IMPA2: variants seen among roughly 807,000 people sequenced by gnomAD.
IMPA2 encodes inositol monophosphatase 2.
Under a neutral mutation model 35.1 loss-of-function variants are expected in IMPA2, and 32 were observed. The observed-to-expected ratio is 0.91, with a 90% CI of 0.69 to 1.23. The LOEUF is 1.23. IMPA2 is among the 50% of genes most tolerant of loss of function. The probability of loss-of-function intolerance (pLI) is 0.00; values close to 1 mark genes in which losing one functional copy is unlikely to be tolerated. For missense variants in IMPA2, 334 were observed against 387.6 expected, an observed-to-expected ratio of 0.86 and a Z score of 1.16; for synonymous variants, 135 against 160.6, an observed-to-expected ratio of 0.84 and a Z score of 1.20.
Position 12,002,958 on chromosome 18 carries a change from C to T in IMPA2, c.230+3771C>T, listed in dbSNP as rs540711580. ...CTGTAATCCCTGCACTTTGGGAGGC[C>T]GAGGCGGGTGGATCACCTGAGGTCA... On this transcript the variant is annotated intron_variant, in intron 2 of 7. Transcript: ENST00000269159. Among the ~76,000 whole-genome samples the T allele has an allele frequency of 4.0e-5, 6 of 151,856 alleles. 1 individual carries two copies. The highest frequency in any genetic ancestry group is 2.1e-4 in the South Asian group (1 of 4,804).
intron 5 of IMPA2, among the ~76,000 whole-genome samples, chr18:12,015,692 G>A (rs1415355572): frequency 3.3e-5 from 5 of 152,340 alleles, no homozygotes; most frequent in East Asian, 1.9e-4. Flanking sequence ...AATGGCCTCT[G>A]GCCCTGCCTC....
rs1359345258 is a variant in IMPA2 at position 12,014,323 on chromosome 18, G to T, written c.440G>T (p.Gly147Val). The change falls in exon 5 of 8, where the codon GGT (glycine) becomes GTT (valine). Residue 147 changes from glycine to valine, a missense_variant. By Grantham distance (109) the Gly-to-Val change is moderately radical. Coordinates refer to ENST00000269159, the MANE Select transcript of IMPA2 (RefSeq NM_014214.3). ...TEERLYTGRRGRGAFCNGQRL... is the reference protein window; with the variant it reads ...TEERLYTGRRVRGAFCNGQRL... ...GAGCGGCTGTACACGGGCCGGCGGG[G>T]TCGGGGCGCCTTCTGCAATGGCCAG... The T allele has an allele frequency of 8.7e-6, 14 of 1,610,104 alleles. No homozygotes were observed. The South Asian group carries it at 1.5e-4, about 18-fold the overall frequency.
At chr18:12,030,303 C>T in intron 7 of IMPA2, 40 bp from the exon 8 acceptor site, 1 of 1,497,454 alleles carries the variant, frequency 6.7e-7, no homozygotes, top group South Asian at 1.1e-5. Context: ...TCAGCCCTCT[C>T]TGGTAACCCG....
chr18:12,008,287 C>T (rs759710006), intron 2 of IMPA2: 34 of 507,834 alleles, frequency 6.7e-5, no homozygotes, highest in African/African-American at 3.1e-4. Context: ...TGAGCCACCG[C>T]GCCTTGCTTG....
rs1397227880 is a variant in IMPA2, at chr18:11,981,639, G to C, written c.-31G>C. The C allele has an allele frequency of 1.6e-6, 2 of 1,221,306 alleles. No individual in the cohort carries two copies. 75.7% of individuals were successfully genotyped at this position (1,221,306 alleles called of 1,614,324 possible). A position where few individuals can be genotyped will look rare whatever the true frequency, so the allele number is the denominator to read the frequency against. ...GGGAGCCGGAGTCCCGCCGAGGGGG[G>C]CTGGAGGTGGAGGGGCCCGGCGAGG... On this transcript the variant is annotated 5_prime_UTR_variant, in exon 1 of 8. Coordinates refer to ENST00000269159, the MANE Select transcript of IMPA2 (RefSeq NM_014214.3).
intron 2 of IMPA2, among the ~76,000 whole-genome samples, chr18:12,005,072 C>A (rs572439766): frequency 1.3e-5 from 2 of 152,346 alleles, no homozygotes; most frequent in African/African-American, 4.8e-5. Context: ...AAAGACCGAG[C>A]ACGGTTCACG....
intron 5 of IMPA2, among the ~76,000 whole-genome samples, chr18:12,016,160 A>C (rs187878678): frequency 1.1e-4 from 17 of 152,260 alleles, no homozygotes; most frequent in Admixed American, 1.0e-3. Context: ...GGCTTCTCTC[A>C]TTTGTCTGGT....
At chr18:11,993,399 T>A (rs547912171) in intron 1 of IMPA2, among the ~76,000 whole-genome samples, 4 of 152,338 alleles carry the variant, frequency 2.6e-5, no homozygotes, top group Non-Finnish European at 5.9e-5. Context: ...TTAGTGTCAT[T>A]GTCTGTTGGT....
At position 12,026,517 on chromosome 18, in the gene IMPA2, T is replaced by C. The variant is rs115950284; in HGVS notation, c.491-1526T>C. On this transcript the variant is annotated intron_variant, in intron 5 of 7. Transcript: ENST00000269159. ...AAACAAAGACTCCAATCCTACCTTC[T>C]TGAGCGCTGGCATTTGAGGGAAAGC... 1.6e-3 allele frequency among the ~76,000 whole-genome samples: 241 copies of C among 152,368 alleles called. 3 individuals are homozygous for C. Among genetic ancestry groups the C allele is most frequent in the African/African-American group, 5.3e-3 (221 of 41,584 alleles).
chr18:11,983,762 A>G (rs1324767719), intron 1 of IMPA2, among the ~76,000 whole-genome samples: 7 of 151,950 alleles, frequency 4.6e-5, no homozygotes, highest in Non-Finnish European at 1.0e-4. Context: ...TGCTGAGGGA[A>G]TGGCCTGAAG....
chr18:11,996,937 C>T (rs2143787587), intron 1 of IMPA2, among the ~76,000 whole-genome samples: 1 of 151,604 alleles, frequency 6.6e-6, no homozygotes, highest in South Asian at 2.1e-4. Context: ...CCACACCACA[C>T]CGATACACAC....
At chr18:12,020,675 CTT>C (rs10550164) in intron 5 of IMPA2, among the ~76,000 whole-genome samples, 16,857 of 151,980 alleles carry the variant, frequency 0.11, 1,388 homozygotes, top group African/African-American at 0.21. Context: ...AAAGTTTCCT[CTT>C]TTTCACCCTC....
At chr18:12,004,193 A>G (rs903840661) in intron 2 of IMPA2, among the ~76,000 whole-genome samples, 19 of 152,248 alleles carry the variant, frequency 1.2e-4, no homozygotes, top group African/African-American at 4.6e-4. Context: ...GGGACAGAGT[A>G]TCATAAATCA....
At chr18:12,020,303 C>T (rs1205246228) in intron 5 of IMPA2, among the ~76,000 whole-genome samples, 1 of 152,128 alleles carries the variant, frequency 6.6e-6, no homozygotes, top group African/African-American at 2.4e-5. Flanking sequence ...AAGTGATTCT[C>T]CTGCTTCAGC....
intron 1 of IMPA2, among the ~76,000 whole-genome samples, chr18:11,998,067 T>C (rs1048490698): frequency 6.6e-6 from 1 of 152,090 alleles, no homozygotes; most frequent in African/African-American, 2.4e-5. Flanking sequence ...TTGGGGAGGC[T>C]GAGGTGGGAG....
At chr18:11,984,575 G>C (rs61383190) in intron 1 of IMPA2, among the ~76,000 whole-genome samples, 33,362 of 152,014 alleles carry the variant, frequency 0.22, 4,070 homozygotes, top group African/African-American at 0.32. Flanking sequence ...TGTGGTGGCT[G>C]AAGCCTGTAA....
intron 1 of IMPA2, among the ~76,000 whole-genome samples, chr18:11,996,754 A>G (rs1906968942): frequency 6.6e-6 from 1 of 152,074 alleles, no homozygotes; most frequent in Non-Finnish European, 1.5e-5. Context: ...ATGATCCCAG[A>G]GGCTCTGCTG....
In IMPA2 at chr18:12,028,799, G is replaced by A. The variant is rs772953663; in HGVS notation, c.600-43G>A. On this transcript the variant is annotated intron_variant, in intron 6 of 7. Transcript: ENST00000269159. ...AGTCGGCTTGCACACCACAGAAAAG[G>A]CTCCACTCCCGCCTGCATCTGTCCT... 283 of 1,596,098 alleles carry A rather than the reference G, an allele frequency of 1.8e-4. 7 individuals carry two copies. The South Asian group carries it at 2.3e-3, about 13-fold the overall frequency.
At chr18:11,992,377 A>G (rs1219714060) in intron 1 of IMPA2, among the ~76,000 whole-genome samples, 2 of 152,224 alleles carry the variant, frequency 1.3e-5, no homozygotes, top group Non-Finnish European at 2.9e-5. Flanking sequence ...TCTGTGGATG[A>G]TGCACAGGGC....
Sources: gnomAD v4.1 joint callset for allele counts (sites outside exome capture counted in the v4.1 genomes callset) on GRCh38, gnomAD v4.1.1 for gene constraint, MANE v1.5 for transcripts, NCBI Gene and HGNC (gene_info 2026-07-23, HGNC 2026-07-21) for gene names.